ZNF324B: variants seen among roughly 807,000 people sequenced by gnomAD.
The protein encoded by ZNF324B is zinc finger protein 324B.
In ZNF324B, 7 loss-of-function variants were observed where a neutral mutation model predicts 10.6. The observed-to-expected ratio is 0.66, with a 90% CI of 0.38 to 1.24. ZNF324B has a LOEUF of 1.24. ZNF324B is among the 50% of genes most tolerant of loss of function. The pLI, the probability that ZNF324B is intolerant of heterozygous loss-of-function variation, is 0.02. For synonymous variants in ZNF324B, 316 were observed against 321.0 expected, an observed-to-expected ratio of 0.98 and a Z score of 0.17; for missense variants, 640 against 764.7, an observed-to-expected ratio of 0.84 and a Z score of 1.92.
the ZNF324B span, chr19:58,435,128 C>A: frequency 6.2e-7 from 1 of 1,614,186 alleles, no homozygotes; most frequent in Non-Finnish European, 8.5e-7. Flanking sequence ...GAAGGATCTG[C>A]ATTAGGGATC....
chr19:58,434,721 A>G, the ZNF324B span: 2 of 1,614,202 alleles, frequency 1.2e-6, no homozygotes, highest in South Asian at 1.1e-5. Context: ...AGGCTTTTCC[A>G]CAGTTGCTGC....
At chr19:58,432,421 A>G in the ZNF324B span, 1 of 423,312 alleles carries the variant, frequency 2.4e-6, no homozygotes, top group Non-Finnish European at 4.7e-6. Context: ...TCCTTTGTCC[A>G]TGATGGCATG....
the ZNF324B span, among the ~76,000 whole-genome samples, chr19:58,427,444 T>C: frequency 2.7e-3 from 201 of 74,912 alleles, 1 homozygote; most frequent in African/African-American, 8.7e-3. Context: ...CCTTCCTTCC[T>C]TTCCTTTCCC....
chr19:58,445,356 T>G, the ZNF324B span: 2 of 509,242 alleles, frequency 3.9e-6, no homozygotes, highest in African/African-American at 3.9e-5. Flanking sequence ...TGCCTTGATG[T>G]GCACAAAGTG....
chr19:58,437,027 A>G, the ZNF324B span: 5 of 1,614,066 alleles, frequency 3.1e-6, no homozygotes, highest in African/African-American at 4.0e-5. Context: ...AGTCATCACC[A>G]TGCTGAGACA....
the ZNF324B span, chr19:58,433,639 C>T: frequency 5.5e-5 from 89 of 1,614,166 alleles, no homozygotes; most frequent in East Asian, 1.6e-3. Context: ...CCCACATTCA[C>T]TGCATTTATA....
In ZNF324B at chr19:58,455,770, C is replaced by G; in HGVS notation, c.826C>G (p.Leu276Val). ...FVKSSDLLKH[L>V]RTHTGERPYE... ...GAAGAGCTCCGACCTCCTCAAGCACCTACGCACCCACACCGGGGAGCGGCC... is the reference window on the plus strand; with the variant it reads ...GAAGAGCTCCGACCTCCTCAAGCACGTACGCACCCACACCGGGGAGCGGCC... The change falls in exon 4 of 4, where the codon CTA (leucine) becomes GTA (valine). Residue 276 changes from leucine (L) to valine (V), a missense_variant. Leu to Val is a conservative substitution (Grantham distance 32). Around this residue, in one of 3 missense-constraint regions of ZNF324B, gnomAD observed 345 missense variants for 387.9 expected, o/e 0.89. Transcript: ENST00000336614. This position sits in a 1 kb window ranked among gnomAD's most constrained non-coding sequence, Gnocchi z 7.0. 6.2e-7 allele frequency: 1 copy of G among 1,614,090 alleles called. No homozygotes were observed. The highest frequency in any genetic ancestry group is 8.5e-7 in the Non-Finnish European group (1 of 1,180,024).
chr19:58,434,487 A>T, the ZNF324B span: 1 of 1,614,110 alleles, frequency 6.2e-7, no homozygotes, highest in African/African-American at 1.3e-5. Flanking sequence ...CAATGCACTC[A>T]TAATATTTTA....
chr19:58,454,200 C>A, intron 2 of ZNF324B, 28 bp from the exon 3 acceptor site: 1 of 1,505,750 alleles, frequency 6.6e-7, no homozygotes, highest in Non-Finnish European at 9.2e-7. Flanking sequence ...TGACCTGGGG[C>A]TGGGCTCTCA....
the ZNF324B span, chr19:58,434,137 C>A: frequency 6.2e-7 from 1 of 1,614,178 alleles, no homozygotes; most frequent in South Asian, 1.1e-5. Flanking sequence ...AGCTCTTCCA[C>A]ATTCACTGCA....
the ZNF324B span, chr19:58,433,254 GGATTCTGCTGC>G: frequency 6.7e-7 from 1 of 1,496,198 alleles, no homozygotes; most frequent in East Asian, 2.3e-5. Context: ...TCTGGTATGG[GGATTCTGCTGC>G]ATGAAGTTTG....
In ZNF324B at chr19:58,455,889, C is replaced by T; in HGVS notation, c.945C>T (p.Cys315=). The T allele has an allele frequency of 5.0e-6, 8 of 1,607,100 alleles. No homozygotes were observed. Among genetic ancestry groups the T allele is most frequent in the Non-Finnish European group, 6.8e-6 (8 of 1,175,846 alleles). The part of the protein sequence containing the change: ...RIHSGETPYA[C]PVCGKAFRHS... ...ACAGCGGCGAGACGCCCTACGCGTGCCCCGTGTGCGGCAAGGCCTTCCGGC... is the reference window on the plus strand; with the variant it reads ...ACAGCGGCGAGACGCCCTACGCGTGTCCCGTGTGCGGCAAGGCCTTCCGGC... The change falls in exon 4 of 4, where the codon TGC becomes TGT. Residue 315 remains cysteine (C), a synonymous_variant. Coordinates refer to ENST00000336614, the MANE Select transcript of ZNF324B (RefSeq NM_207395.3). The surrounding 1 kb of genome is among the most constrained non-coding windows in gnomAD (Gnocchi z 7.0).
At chr19:58,427,635 G>A in the ZNF324B span, among the ~76,000 whole-genome samples, 23 of 150,744 alleles carry the variant, frequency 1.5e-4, no homozygotes, top group East Asian at 5.9e-4. Flanking sequence ...GATTACATGC[G>A]TGAGCTACCG....
At chr19:58,438,846 A>G in the ZNF324B span, among the ~76,000 whole-genome samples, 1 of 151,712 alleles carries the variant, frequency 6.6e-6, no homozygotes, top group South Asian at 2.1e-4. Context: ...TCTCAGCTCA[A>G]TGCAACCTCC....
At position 58,455,783 on chromosome 19, in the gene ZNF324B, C is replaced by A. The variant is rs748992559; in HGVS notation, c.839C>A (p.Thr280Asn). Residue 280 changes from threonine to asparagine, a missense_variant, in exon 4 of 4, where the codon ACC becomes AAC. This residue lies in a region of ZNF324B where 345 missense variants were observed against 387.9 expected (regional missense o/e 0.89). Transcript: ENST00000336614. This position sits in a 1 kb window ranked among gnomAD's most constrained non-coding sequence, Gnocchi z 7.0. Reference sequence around the variant, plus strand: ...CTCCTCAAGCACCTACGCACCCACACCGGGGAGCGGCCCTACGAGTGCACC... The same window carrying A: ...CTCCTCAAGCACCTACGCACCCACAACGGGGAGCGGCCCTACGAGTGCACC... Reference protein sequence around the residue: ...SDLLKHLRTHTGERPYECTQC... With the variant: ...SDLLKHLRTHNGERPYECTQC... 10 of 1,613,990 alleles carry A rather than the reference C, an allele frequency of 6.2e-6. No homozygotes were observed. Among genetic ancestry groups the A allele is most frequent in the Non-Finnish European group, 8.5e-6 (10 of 1,180,024 alleles).
At chr19:58,432,059 C>G in the ZNF324B span, among the ~76,000 whole-genome samples, 1 of 152,104 alleles carries the variant, frequency 6.6e-6, no homozygotes, top group Non-Finnish European at 1.5e-5. Flanking sequence ...TTCTAAAATA[C>G]CAGCTCTGTC....
Position 58,455,106 on chromosome 19 carries a change from C to T in ZNF324B, c.239-77C>T, listed in dbSNP as rs201386317. The T allele has an allele frequency of 3.4e-5, 55 of 1,596,710 alleles. No homozygotes were observed. The Middle Eastern group carries it at 1.0e-3, about 29-fold the overall frequency. The stretch of plus-strand genomic sequence containing the variant: ...TTTTGTCCCGGCTCCTGGGCTCCCC[C>T]TTGCCTGTCCACTCAGCCTGCCCTG... On this transcript the variant is annotated intron_variant, in intron 3 of 3. Transcript: ENST00000336614. The surrounding 1 kb of genome is among the most constrained non-coding windows in gnomAD (Gnocchi z 7.0).
chr19:58,454,818 T>C (rs1326747807), intron 3 of ZNF324B, among the ~76,000 whole-genome samples: 1 of 152,012 alleles, frequency 6.6e-6, no homozygotes, highest in African/African-American at 2.4e-5. Flanking sequence ...AGAGCAGGTT[T>C]GGGAGTGGGT....
At position 58,453,761 on chromosome 19, in the gene ZNF324B, A is replaced by G; in HGVS notation, c.60A>G (p.Thr20=). 1.2e-6 allele frequency: 2 copies of G among 1,614,196 alleles called. No homozygotes were observed. The highest frequency in any genetic ancestry group is 1.7e-6 in the Non-Finnish European group (2 of 1,180,020). ...AGGAGGAGTGGGGGCTCCTGGACAC[A>G]GCGCAGAGGGCCCTGTACCGCCACG... ...FSQEEWGLLD[T]AQRALYRHVM... Residue 20 remains threonine (T), a synonymous_variant, in exon 2 of 4, where the codon ACA becomes ACG. Coordinates refer to ENST00000336614, the MANE Select transcript of ZNF324B (RefSeq NM_207395.3).
Sources: gnomAD v4.1 joint callset for allele counts (sites outside exome capture counted in the v4.1 genomes callset) on GRCh38, gnomAD v4.1.1 for gene constraint, gnomAD v4.1.1 regional missense constraint, Gnocchi (gnomAD v3.1) non-coding constraint, MANE v1.5 for transcripts, NCBI Gene and HGNC (gene_info 2026-07-23, HGNC 2026-07-21) for gene names.